The following XIRP2 variants were observed in gnomAD, a reference collection of about 807,000 sequenced individuals.
XIRP2 encodes xin actin-binding repeat-containing protein 2.
XIRP2 carries 236 observed loss-of-function variants against 277.0 expected under a neutral mutation model. That is an observed-to-expected ratio of 0.85 (90% CI 0.77 to 0.95). XIRP2 has a LOEUF of 0.95. XIRP2 is among the 40% of genes least tolerant of loss of function. The pLI, the probability that XIRP2 is intolerant of heterozygous loss-of-function variation, is 0.00. For missense variants in XIRP2, 4,640 were observed against 4,157.5 expected, an observed-to-expected ratio of 1.12 and a Z score of -3.19; for synonymous variants, 1,490 against 1,416.5, an observed-to-expected ratio of 1.05 and a Z score of -1.17.
chr2:167,176,169 A>T, intron 3 of XIRP2, among the ~76,000 whole-genome samples: 1 of 152,100 alleles, frequency 6.6e-6, no homozygotes, highest in Middle Eastern at 3.2e-3. Context: ...TGGAGTATGA[A>T]AATAAAACTC....
Position 167,039,488 on chromosome 2 carries a change from G to C in XIRP2, c.409-96421G>C, listed in dbSNP as rs1180749527. Among the ~76,000 whole-genome samples the C allele has an allele frequency of 3.3e-5, 5 of 152,158 alleles. No homozygotes were observed. The South Asian group carries it at 1.0e-3, about 31-fold the overall frequency. ...AGGTCAAGAGTAAGTTACAGAGAAA[G>C]GAACAATCATATCTGTCTAGAGGAA... On this transcript the variant is annotated intron_variant, in intron 2 of 10. Coordinates refer to ENST00000409195, the MANE Select transcript of XIRP2 (RefSeq NM_152381.6).
At chr2:166,981,242 G>C (rs1686860198) in intron 2 of XIRP2, among the ~76,000 whole-genome samples, 1 of 151,996 alleles carries the variant, frequency 6.6e-6, no homozygotes, top group Non-Finnish European at 1.5e-5. Flanking sequence ...TGTTATCAGG[G>C]CTATGCTCTT....
intron 2 of XIRP2, among the ~76,000 whole-genome samples, chr2:167,079,444 T>A (rs1689670667): frequency 6.6e-6 from 1 of 152,216 alleles, no homozygotes; most frequent in Non-Finnish European, 1.5e-5. Flanking sequence ...AGAATTCGGC[T>A]GTGAATTCCT....
intron 5 of XIRP2, among the ~76,000 whole-genome samples, chr2:167,229,397 A>C (rs189760431): frequency 3.9e-4 from 60 of 152,286 alleles, no homozygotes; most frequent in Admixed American, 1.4e-3. Context: ...GGCAAGCCCC[A>C]AAATTTTAAC....
At chr2:166,896,415 A>C (rs1280856938) in intron 1 of XIRP2, among the ~76,000 whole-genome samples, 1 of 152,052 alleles carries the variant, frequency 6.6e-6, no homozygotes, top group Non-Finnish European at 1.5e-5. Context: ...AAAGACAGTG[A>C]TATTGATGAT....
At chr2:167,030,352 G>T (rs1407374983) in intron 2 of XIRP2, among the ~76,000 whole-genome samples, 1 of 152,094 alleles carries the variant, frequency 6.6e-6, no homozygotes, top group Non-Finnish European at 1.5e-5. Flanking sequence ...TGGGCATTTA[G>T]TACTATAAAT....
chr2:167,189,152 A>G (rs1018361557), intron 3 of XIRP2, among the ~76,000 whole-genome samples: 3 of 152,140 alleles, frequency 2.0e-5, no homozygotes, highest in Admixed American at 6.5e-5. Flanking sequence ...CTTTTTACTT[A>G]CTTGGTAAAA....
intron 2 of XIRP2, among the ~76,000 whole-genome samples, chr2:166,969,651 G>C (rs1686524298): frequency 6.6e-6 from 1 of 151,644 alleles, no homozygotes; most frequent in African/African-American, 2.4e-5. Flanking sequence ...AACTGGGAAA[G>C]CAATTTCATG....
At chr2:167,019,048 C>T (rs899314235) in intron 2 of XIRP2, among the ~76,000 whole-genome samples, 19 of 151,842 alleles carry the variant, frequency 1.3e-4, no homozygotes, top group African/African-American at 4.6e-4. Context: ...ACTGCATGCA[C>T]AAGAGACCAA....
chr2:166,897,554 A>G (rs1684275238), intron 1 of XIRP2, among the ~76,000 whole-genome samples: 1 of 152,164 alleles, frequency 6.6e-6, no homozygotes, highest in Non-Finnish European at 1.5e-5. Context: ...TAAACAAAAT[A>G]AGTTAATATA....
chr2:167,259,128 C>A lies in XIRP2; in HGVS notation c.*1311C>A. The A allele has an allele frequency of 6.2e-7, 1 of 1,612,612 alleles. No homozygotes were observed. Among genetic ancestry groups the A allele is most frequent in the Non-Finnish European group, 8.5e-7 (1 of 1,179,208 alleles). ...ATTTTCAATTGTGATTTAATAGATTCTGTAGATCAAATTAAAAATATGCCA... is the reference window on the plus strand; with the variant it reads ...ATTTTCAATTGTGATTTAATAGATTATGTAGATCAAATTAAAAATATGCCA... On this transcript the variant is annotated 3_prime_UTR_variant, in exon 11 of 11. Coordinates refer to ENST00000409195, the MANE Select transcript of XIRP2 (RefSeq NM_152381.6).
chr2:167,008,117 C>T (rs1481180451), intron 2 of XIRP2, among the ~76,000 whole-genome samples: 2 of 151,568 alleles, frequency 1.3e-5, no homozygotes, highest in East Asian at 1.9e-4. Flanking sequence ...ACTTTTATCT[C>T]ATTTCACTAT....
At chr2:166,973,664 A>G (rs1236332180) in intron 2 of XIRP2, among the ~76,000 whole-genome samples, 1 of 152,186 alleles carries the variant, frequency 6.6e-6, no homozygotes, top group Non-Finnish European at 1.5e-5. Flanking sequence ...GCACTTCAGA[A>G]TCTCAGTCCC....
chr2:166,961,023 T>C (rs979369493), intron 2 of XIRP2, among the ~76,000 whole-genome samples: 26 of 151,714 alleles, frequency 1.7e-4, no homozygotes, highest in Non-Finnish European at 1.0e-4. Flanking sequence ...AACATGAATA[T>C]GAAGAGTATT....
intron 2 of XIRP2, among the ~76,000 whole-genome samples, chr2:167,014,695 C>T (rs935478760): frequency 1.3e-5 from 2 of 151,686 alleles, no homozygotes; most frequent in African/African-American, 2.4e-5. Context: ...AATGAAAGGG[C>T]TCATGAAATG....
Position 167,032,916 on chromosome 2 carries a change from C to T in XIRP2, c.409-102993C>T, listed in dbSNP as rs149441437. On this transcript the variant is annotated intron_variant, in intron 2 of 10. Transcript: ENST00000409195. ...CCTCAAGGATCTAGAACCAGTAATA[C>T]CATTTGACCCAGCAATCCCAATACT... Among the ~76,000 whole-genome samples, 1,035 of 152,206 alleles carry T rather than the reference C, an allele frequency of 6.8e-3. 11 individuals are homozygous for T. The highest frequency in any genetic ancestry group is 0.023 in the African/African-American group (967 of 41,536).
intron 5 of XIRP2, among the ~76,000 whole-genome samples, chr2:167,230,885 G>C (rs1694728540): frequency 6.6e-6 from 1 of 151,998 alleles, no homozygotes; most frequent in Admixed American, 6.6e-5. Context: ...ACTGAAATTA[G>C]TTAAGACTTA....
At position 167,248,295 on chromosome 2, in the gene XIRP2, T is replaced by C; in HGVS notation, c.6903T>C (p.Asn2301=). Reference sequence around the variant, plus strand: ...CTCCACCTCCTCCACCACCTTCTAATGCATCATCTGAAATTGAATTTCCTC... The same window carrying C: ...CTCCACCTCCTCCACCACCTTCTAACGCATCATCTGAAATTGAATTTCCTC... ...PPSPPPPPPS[N]ASSEIEFPLP... The change falls in exon 9 of 11, where the codon AAT becomes AAC. Residue 2301 remains asparagine, a synonymous_variant. Coordinates refer to ENST00000409195, the MANE Select transcript of XIRP2 (RefSeq NM_152381.6). 1 of 1,613,706 alleles carries C rather than the reference T, an allele frequency of 6.2e-7. No homozygotes were observed. Among genetic ancestry groups the C allele is most frequent in the Non-Finnish European group, 8.5e-7 (1 of 1,179,806 alleles).
rs370365776 is a variant in XIRP2, at chr2:167,187,223, T to G, written c.563-23512T>G. On this transcript the variant is annotated intron_variant, in intron 3 of 10. Coordinates refer to ENST00000409195, the MANE Select transcript of XIRP2 (RefSeq NM_152381.6). Reference sequence around the variant, plus strand: ...CATGCATACATTACTGAGGGCACTATGAGGCAGAGTGGCCTCAGAGACACT... The same window carrying G: ...CATGCATACATTACTGAGGGCACTAGGAGGCAGAGTGGCCTCAGAGACACT... 1.3e-5 allele frequency: 13 copies of G among 984,788 alleles called. No individual in the cohort carries two copies. In the African/African-American group the frequency reaches 1.9e-4, roughly 15 times the overall value. 61.0% of individuals were successfully genotyped at this position (984,788 alleles called of 1,614,324 possible).
Sources: allele counts gnomAD v4.1 joint callset (sites outside exome capture counted in the v4.1 genomes callset), GRCh38; gene constraint gnomAD v4.1.1; transcripts MANE v1.5; gene names NCBI Gene and HGNC (gene_info 2026-07-23, HGNC 2026-07-21).